The following SLC6A11 variants were observed in gnomAD, a reference collection of about 807,000 sequenced individuals.
SLC6A11 encodes the protein solute carrier family 6 member 11.
In SLC6A11, 25 loss-of-function variants were observed where a neutral mutation model predicts 74.8. That is an observed-to-expected ratio of 0.33 (90% CI 0.24 to 0.47). SLC6A11 has a LOEUF of 0.47. Among genes scored for constraint, SLC6A11 ranks in the 20% least tolerant of loss-of-function variants. The pLI is 1.00. For missense variants in SLC6A11, 574 were observed against 837.0 expected, an observed-to-expected ratio of 0.69 and a Z score of 3.88; for synonymous variants, 330 against 330.2, an observed-to-expected ratio of 1.00 and a Z score of 0.01.
intron 5 of SLC6A11, among the ~76,000 whole-genome samples, chr3:10,865,745 C>T (rs953624043): frequency 2.6e-5 from 4 of 152,216 alleles, no homozygotes; most frequent in Non-Finnish European, 4.4e-5. Flanking sequence ...TTTACACAGA[C>T]AAAACTTTCT....
intron 5 of SLC6A11, among the ~76,000 whole-genome samples, chr3:10,873,385 G>T (rs2581203): frequency 0.66 from 78,771 of 119,980 alleles, 27,358 homozygotes; most frequent in Middle Eastern, 0.72. Context: ...CTTCATTATT[G>T]TATCCTATCC....
At chr3:10,854,100 C>G (rs1694609383) in intron 5 of SLC6A11, among the ~76,000 whole-genome samples, 1 of 152,198 alleles carries the variant, frequency 6.6e-6, no homozygotes, top group Admixed American at 6.5e-5. Flanking sequence ...CAAGCTATTT[C>G]TAAGCAAAAG....
chr3:10,909,982 C>T (rs896030624), intron 6 of SLC6A11, among the ~76,000 whole-genome samples: 2 of 152,350 alleles, frequency 1.3e-5, no homozygotes, highest in South Asian at 2.1e-4. Context: ...TCATACCCCC[C>T]ACACATCGAA....
chr3:10,918,219 A>C lies in SLC6A11; in HGVS notation c.996-110A>C. 2 of 1,277,510 alleles carry C rather than the reference A, an allele frequency of 1.6e-6. No individual in the cohort carries two copies. The highest frequency in any genetic ancestry group is 2.1e-6 in the Non-Finnish European group (2 of 958,712). The allele number at this position is 1,277,510 out of a possible 1,614,324, so 79.1% of individuals were successfully genotyped here. On this transcript the variant is annotated intron_variant, in intron 7 of 13. Coordinates refer to ENST00000254488, the MANE Select transcript of SLC6A11 (RefSeq NM_014229.3). This position sits in a 1 kb window ranked among gnomAD's most constrained non-coding sequence, Gnocchi z 4.5. The stretch of plus-strand genomic sequence containing the variant: ...GAAAAACAGAGCTCCCTGTGCCTGC[A>C]CTTCCCTGCCTGCCTCACAGGACAG...
chr3:10,879,872 T>A (rs1446640700), intron 6 of SLC6A11, among the ~76,000 whole-genome samples: 1 of 152,168 alleles, frequency 6.6e-6, no homozygotes, highest in Non-Finnish European at 1.5e-5. Context: ...CAATGAGCAT[T>A]GGAGCTCTTT....
chr3:10,834,524 T>C (rs1694341378), intron 4 of SLC6A11, among the ~76,000 whole-genome samples: 1 of 152,118 alleles, frequency 6.6e-6, no homozygotes, highest in African/African-American at 2.4e-5. Flanking sequence ...AGGAAGTGGC[T>C]TTAGAGTCAG....
intron 5 of SLC6A11, among the ~76,000 whole-genome samples, chr3:10,854,891 T>C (rs957674426): frequency 6.6e-6 from 1 of 152,218 alleles, no homozygotes; most frequent in African/African-American, 2.4e-5. Flanking sequence ...TGCCTGGTGC[T>C]GAACCAGGTG....
At chr3:10,931,346 C>T (rs1695682731) in intron 10 of SLC6A11, among the ~76,000 whole-genome samples, 1 of 151,888 alleles carries the variant, frequency 6.6e-6, no homozygotes, top group Non-Finnish European at 1.5e-5. Flanking sequence ...ATTAAGGTTT[C>T]TTTGTTCCTT....
At chr3:10,875,522 G>C (rs188052379) in intron 6 of SLC6A11, among the ~76,000 whole-genome samples, 4 of 152,236 alleles carry the variant, frequency 2.6e-5, no homozygotes, top group Admixed American at 2.0e-4. Flanking sequence ...ATTTCAGTTA[G>C]AAGTTAATTA....
rs187532281 is a variant in SLC6A11 at position 10,889,083 on chromosome 3, A to G, written c.891+13988A>G. Among the ~76,000 whole-genome samples, 23 of 152,262 alleles carry G rather than the reference A, an allele frequency of 1.5e-4. 1 individual carries two copies. The East Asian group carries it at 4.2e-3, about 28-fold the overall frequency. On this transcript the variant is annotated intron_variant, in intron 6 of 13. Coordinates refer to ENST00000254488, the MANE Select transcript of SLC6A11 (RefSeq NM_014229.3). Reference sequence around the variant, plus strand: ...GCACATTAAATTTTGCAGATTAAGTATAGTTTTTTTAGATTAATAGATTTT... The same window carrying G: ...GCACATTAAATTTTGCAGATTAAGTGTAGTTTTTTTAGATTAATAGATTTT...
In SLC6A11 at chr3:10,926,593, C is replaced by T. The variant is rs777205484; in HGVS notation, c.1233+477C>T. Among the ~76,000 whole-genome samples the T allele has an allele frequency of 5.3e-5, 8 of 152,090 alleles. No homozygotes were observed. Among genetic ancestry groups the T allele is most frequent in the Non-Finnish European group, 8.8e-5 (6 of 68,034 alleles). On this transcript the variant is annotated intron_variant, in intron 9 of 13. Transcript: ENST00000254488. The surrounding 1 kb of genome is among the most constrained non-coding windows in gnomAD (Gnocchi z 5.7). Reference sequence around the variant, plus strand: ...CCTCCATCTCTGTCCTGGATGCCACCACCAGCTCTGCCCCGCCACCGCCTG... The same window carrying T: ...CCTCCATCTCTGTCCTGGATGCCACTACCAGCTCTGCCCCGCCACCGCCTG...
intron 5 of SLC6A11, among the ~76,000 whole-genome samples, chr3:10,846,597 T>C (rs1363679301): frequency 6.6e-6 from 1 of 152,180 alleles, no homozygotes; most frequent in African/African-American, 2.4e-5. Context: ...GACTGGGCGA[T>C]TAAGTCTGAG....
At chr3:10,822,824 A>G (rs1270745711) in intron 3 of SLC6A11, among the ~76,000 whole-genome samples, 1 of 152,188 alleles carries the variant, frequency 6.6e-6, no homozygotes, top group African/African-American at 2.4e-5. Context: ...ATTTCCTCCA[A>G]TCATCACGTC....
intron 5 of SLC6A11, among the ~76,000 whole-genome samples, chr3:10,866,659 A>G (rs1283196877): frequency 6.6e-6 from 1 of 152,246 alleles, no homozygotes; most frequent in Admixed American, 6.5e-5. Flanking sequence ...CTTCATGGAA[A>G]TACCACTGCA....
At position 10,817,846 on chromosome 3, in the gene SLC6A11, C is replaced by T. The variant is rs1484694132; in HGVS notation, c.256+1325C>T. On this transcript the variant is annotated intron_variant, in intron 1 of 13. Coordinates refer to ENST00000254488, the MANE Select transcript of SLC6A11 (RefSeq NM_014229.3). ...GAGAGAGGGAGTGGACTTGGAGACCCCCAACGTGCCCTGTGCTCTCGGCTG... is the reference window on the plus strand; with the variant it reads ...GAGAGAGGGAGTGGACTTGGAGACCTCCAACGTGCCCTGTGCTCTCGGCTG... Among the ~76,000 whole-genome samples, 3 of 152,146 alleles carry T rather than the reference C, an allele frequency of 2.0e-5. No individual in the cohort carries two copies. In the East Asian group the frequency reaches 5.8e-4, roughly 29 times the overall value.
At chr3:10,902,963 C>T (rs913375449) in intron 6 of SLC6A11, among the ~76,000 whole-genome samples, 5 of 152,262 alleles carry the variant, frequency 3.3e-5, no homozygotes, top group South Asian at 4.1e-4. Context: ...CCACCTTAAC[C>T]GTGTGGACGA....
At chr3:10,841,643 A>C (rs564970040) in intron 4 of SLC6A11, among the ~76,000 whole-genome samples, 1 of 152,376 alleles carries the variant, frequency 6.6e-6, no homozygotes, top group East Asian at 1.9e-4. Flanking sequence ...AGCAGGCTGC[A>C]TGACTCAAAA....
intron 3 of SLC6A11, among the ~76,000 whole-genome samples, chr3:10,822,500 T>C (rs772553448): frequency 5.9e-5 from 9 of 152,198 alleles, no homozygotes; most frequent in Non-Finnish European, 1.0e-4. Flanking sequence ...TGACTGTTTC[T>C]GAACCTTAGA....
chr3:10,817,850 A>G (rs1261546220), intron 1 of SLC6A11, among the ~76,000 whole-genome samples: 2 of 152,118 alleles, frequency 1.3e-5, no homozygotes, highest in Non-Finnish European at 2.9e-5. Context: ...GAGACCCCCA[A>G]CGTGCCCTGT....
Sources: gnomAD v4.1 joint callset for allele counts (sites outside exome capture counted in the v4.1 genomes callset) on GRCh38, gnomAD v4.1.1 for gene constraint, Gnocchi (gnomAD v3.1) non-coding constraint, MANE v1.5 for transcripts, NCBI Gene and HGNC (gene_info 2026-07-23, HGNC 2026-07-21) for gene names.